Variants in WIPF1 observed in about 807,000 individuals in gnomAD.
WIPF1 encodes WAS/WASL-interacting protein family member 1.
WIPF1 carries 13 observed loss-of-function variants against 35.4 expected under a neutral mutation model. The observed-to-expected ratio is 0.37, with a 90% CI of 0.24 to 0.58. The LOEUF (loss-of-function observed/expected upper bound fraction) is 0.58. Among genes scored for constraint, WIPF1 ranks in the 20% least tolerant of loss-of-function variants. The probability of loss-of-function intolerance (pLI) is 0.74; values close to 1 mark genes in which losing one functional copy is unlikely to be tolerated. For missense variants in WIPF1, 591 were observed against 667.0 expected (o/e 0.89, Z 1.25); for synonymous variants, 267 against 266.3 (o/e 1.00, Z -0.02).
rs1574776752 is a variant in WIPF1, at chr2:174,560,586, T to TA, written c.*1960dup. 2 of 152,706 alleles carry TA rather than the reference T, an allele frequency of 1.3e-5. No homozygotes were observed. Among genetic ancestry groups the TA allele is most frequent in the Non-Finnish European group, 2.9e-5 (2 of 67,994 alleles). 9.5% of individuals were successfully genotyped at this position (152,706 alleles called of 1,614,324 possible). A position where few individuals can be genotyped will look rare whatever the true frequency, so the allele number is the denominator to read the frequency against. ...GCTAGAGATTAAAAAAATTTTTTTT[T>TA]AAAAAGCCAACACTTTGCCAAGCTT... On this transcript the variant is annotated 3_prime_UTR_variant, in exon 8 of 8. Transcript: ENST00000679041.
intron 1 of WIPF1, among the ~76,000 whole-genome samples, chr2:174,612,296 G>A (rs546547084): frequency 6.6e-6 from 1 of 152,200 alleles, no homozygotes; most frequent in African/African-American, 2.4e-5. Context: ...TATTTAAAAT[G>A]GGATCATACT....
intron 1 of WIPF1, among the ~76,000 whole-genome samples, chr2:174,646,994 A>T (rs530242535): frequency 6.6e-6 from 1 of 152,226 alleles, no homozygotes; most frequent in Non-Finnish European, 1.5e-5. Context: ...GCTGCAGATT[A>T]TCCCAGAGAG....
At chr2:174,588,829 G>T (rs1180557114) in intron 1 of WIPF1, among the ~76,000 whole-genome samples, 1 of 152,158 alleles carries the variant, frequency 6.6e-6, no homozygotes. Context: ...CTACGGGTGA[G>T]GGCTCTCACT....
Position 174,571,297 on chromosome 2 carries a change from C to T in WIPF1, c.1129+379G>A. The T allele has an allele frequency of 2.1e-6, 1 of 473,950 alleles. No homozygotes were observed. The highest frequency in any genetic ancestry group is 4.0e-5 in the East Asian group (1 of 25,146). The allele number at this position is 473,950 out of a possible 1,614,324, so 29.4% of individuals were successfully genotyped here. On this transcript the variant is annotated intron_variant, in intron 5 of 7. Transcript: ENST00000679041. The surrounding 1 kb of genome is among the most constrained non-coding windows in gnomAD (Gnocchi z 4.6). ...CCTCTTGTTGGAATAACAGAGCCCT[C>T]CTGCGGGAGGTGGGGACTTATTTTC...
At chr2:174,599,526 G>A (rs112943183), upstream of WIPF1, among the ~76,000 whole-genome samples, 2 of 152,106 alleles carry the variant, frequency 1.3e-5, no homozygotes, top group Admixed American at 6.5e-5. Context: ...GTGTCCACCC[G>A]TGACTTAGGT....
chr2:174,656,984 C>T (rs1173795032), intron 1 of WIPF1, among the ~76,000 whole-genome samples: 1 of 152,214 alleles, frequency 6.6e-6, no homozygotes, highest in Non-Finnish European at 1.5e-5. Context: ...TGCACATACA[C>T]CCCCTAGAGA....
chr2:174,569,716 AATTCTT>A (rs1321920925), intron 5 of WIPF1, among the ~76,000 whole-genome samples: 1 of 152,182 alleles, frequency 6.6e-6, no homozygotes, highest in Non-Finnish European at 1.5e-5. Flanking sequence ...TGTCTCATTT[AATTCTT>A]ATAACAACTC....
At chr2:174,671,104 A>T (rs1414027089) in intron 1 of WIPF1, among the ~76,000 whole-genome samples, 6 of 152,224 alleles carry the variant, frequency 3.9e-5, no homozygotes, top group African/African-American at 1.4e-4. Context: ...TGTGTGATAG[A>T]TTGTTGCATG....
At chr2:174,620,462 G>T (rs187261811) in intron 1 of WIPF1, among the ~76,000 whole-genome samples, 1 of 152,310 alleles carries the variant, frequency 6.6e-6, no homozygotes. Context: ...TATCTTCATA[G>T]TACCAAGTTA....
Position 174,665,840 on chromosome 2 carries a change from C to G in WIPF1, c.-39+16934G>C, listed in dbSNP as rs561412846. ...CTACAATGGACTCTGCTCAGAGAGG[C>G]TCATTTGTAGATACTGCATGCAGAC... On this transcript the variant is annotated intron_variant, in intron 1 of 8. Transcript: ENST00000272746. 3.3e-5 allele frequency among the ~76,000 whole-genome samples: 5 copies of G among 152,320 alleles called. No homozygotes were observed. The South Asian group carries it at 1.0e-3, about 32-fold the overall frequency.
chr2:174,651,263 A>G (rs900710347), intron 1 of WIPF1, among the ~76,000 whole-genome samples: 2 of 152,228 alleles, frequency 1.3e-5, no homozygotes, highest in African/African-American at 4.8e-5. Context: ...TTGTAGCACA[A>G]ACTAGTAGCA....
At chr2:174,599,870 A>G (rs1419317678), upstream of WIPF1, among the ~76,000 whole-genome samples, 4 of 148,194 alleles carry the variant, frequency 2.7e-5, no homozygotes, top group Non-Finnish European at 4.5e-5. Flanking sequence ...GGCTATTTCC[A>G]TCCCTTAGGG....
At chr2:174,574,779 C>G (rs1179726987) in intron 4 of WIPF1, 5 of 672,516 alleles carry the variant, frequency 7.4e-6, no homozygotes, top group Non-Finnish European at 1.4e-5. Context: ...TCATATTCCA[C>G]AAGATGTGCT....
chr2:174,587,173 C>A (rs1475864273), intron 1 of WIPF1, among the ~76,000 whole-genome samples: 1 of 151,914 alleles, frequency 6.6e-6, no homozygotes, highest in African/African-American at 2.4e-5. Context: ...CCACGCCTGG[C>A]TAATTTATTT....
chr2:174,584,558 A>G (rs1227466577), intron 2 of WIPF1, among the ~76,000 whole-genome samples: 3 of 152,316 alleles, frequency 2.0e-5, no homozygotes, highest in African/African-American at 7.2e-5. Flanking sequence ...CATATGACCA[A>G]GTGGAGAGTT....
At chr2:174,573,892 T>A (rs2105811886) in intron 4 of WIPF1, among the ~76,000 whole-genome samples, 1 of 131,242 alleles carries the variant, frequency 7.6e-6, no homozygotes, top group South Asian at 2.4e-4. Context: ...TTTCTTCTTC[T>A]TTTTTTTTTT....
chr2:174,605,564 T>C (rs911699676), intron 1 of WIPF1, among the ~76,000 whole-genome samples: 4 of 152,210 alleles, frequency 2.6e-5, no homozygotes, highest in Non-Finnish European at 5.9e-5. Flanking sequence ...TATTAAGATA[T>C]TGATAATTGT....
At chr2:174,607,651 C>T (rs370906520) in intron 1 of WIPF1, among the ~76,000 whole-genome samples, 11 of 152,130 alleles carry the variant, frequency 7.2e-5, no homozygotes, top group African/African-American at 2.2e-4. Flanking sequence ...CCTTCTCCCC[C>T]CATCTCTTTG....
intron 1 of WIPF1, among the ~76,000 whole-genome samples, chr2:174,670,232 CA>C (rs1687983042): frequency 6.6e-6 from 1 of 152,194 alleles, no homozygotes; most frequent in African/African-American, 2.4e-5. Flanking sequence ...AGCTCAGAAC[CA>C]CCAGACTCTT....
Sources: allele counts gnomAD v4.1 joint callset (sites outside exome capture counted in the v4.1 genomes callset), GRCh38; gene constraint gnomAD v4.1.1; non-coding constraint Gnocchi (gnomAD v3.1); transcripts MANE v1.5; gene names NCBI Gene and HGNC (gene_info 2026-07-23, HGNC 2026-07-21).